NAALADL2: variants seen among roughly 807,000 people sequenced by gnomAD.
NAALADL2 encodes the protein inactive N-acetylated-alpha-linked acidic dipeptidase-like protein 2.
NAALADL2 carries 76 observed loss-of-function variants against 87.2 expected under a neutral mutation model. The ratio of observed to expected loss-of-function variants is 0.87; its 90% CI spans 0.72 to 1.05. The LOEUF is 1.05. Among genes scored for constraint, NAALADL2 ranks in the 50% least tolerant of loss-of-function variants. The pLI is 0.00. For synonymous variants in NAALADL2, 354 were observed against 331.0 expected, an observed-to-expected ratio of 1.07 and a Z score of -0.75; for missense variants, 1,089 against 945.8, an observed-to-expected ratio of 1.15 and a Z score of -1.99.
chr3:174,950,449 A>G (rs532855228), intron 1 of NAALADL2, among the ~76,000 whole-genome samples: 11 of 152,116 alleles, frequency 7.2e-5, no homozygotes, highest in Non-Finnish European at 1.6e-4. Flanking sequence ...CATATACATG[A>G]TTCTATTCAT....
chr3:174,459,810 G>A (rs1716083291), intron 1 of NAALADL2: 1 of 152,094 alleles, frequency 6.6e-6, no homozygotes, highest in Non-Finnish European at 1.5e-5. Flanking sequence ...AAACTACCTG[G>A]ATGTTATATT....
chr3:175,699,603 A>G (rs1407528169), intron 11 of NAALADL2, among the ~76,000 whole-genome samples: 1 of 152,018 alleles, frequency 6.6e-6, no homozygotes, highest in Non-Finnish European at 1.5e-5. Context: ...TTCTCAACTT[A>G]GGTCTATCAC....
At chr3:174,915,929 T>A (rs1734317454) in intron 1 of NAALADL2, among the ~76,000 whole-genome samples, 1 of 151,864 alleles carries the variant, frequency 6.6e-6, no homozygotes, top group African/African-American at 2.4e-5. Context: ...ATCAGCAGAG[T>A]AAACAGGCAA....
intron 2 of NAALADL2, among the ~76,000 whole-genome samples, chr3:174,589,528 A>G (rs909535691): frequency 6.6e-6 from 1 of 152,218 alleles, no homozygotes; most frequent in East Asian, 1.9e-4. Flanking sequence ...CTGTTTGTTT[A>G]CTGGCAAATT....
intron 9 of NAALADL2, among the ~76,000 whole-genome samples, chr3:175,531,446 A>G (rs972852449): frequency 1.3e-5 from 2 of 152,180 alleles, no homozygotes; most frequent in Non-Finnish European, 2.9e-5. Flanking sequence ...TGTCTCACCA[A>G]TAAGTCTGGT....
At chr3:175,021,178 C>T (rs940822900) in intron 1 of NAALADL2, among the ~76,000 whole-genome samples, 2 of 151,876 alleles carry the variant, frequency 1.3e-5, no homozygotes, top group East Asian at 1.9e-4. Flanking sequence ...TGTGTTTAGT[C>T]GCAGGTCTAA....
At chr3:174,717,253 T>C (rs1731274781) in intron 2 of NAALADL2, among the ~76,000 whole-genome samples, 1 of 152,070 alleles carries the variant, frequency 6.6e-6, no homozygotes, top group Non-Finnish European at 1.5e-5. Context: ...TTTTTTTAAT[T>C]GTGTCAAGTC....
chr3:175,354,598 A>G (rs566736035), intron 5 of NAALADL2, among the ~76,000 whole-genome samples: 1 of 152,076 alleles, frequency 6.6e-6, no homozygotes, highest in South Asian at 2.1e-4. Context: ...TCGAAAATTG[A>G]TTTACCTTTT....
rs890208066 is a variant in NAALADL2, at chr3:175,642,354, T to G, written c.1896+14968T>G. On this transcript the variant is annotated intron_variant, in intron 11 of 13. Transcript: ENST00000454872. The stretch of plus-strand genomic sequence containing the variant: ...AATGTAAAATAATGCTTTTCTTGAT[T>G]ACTCAAGATGTTCATGCAAGAAGAA... Among the ~76,000 whole-genome samples the G allele has an allele frequency of 2.0e-5, 3 of 152,196 alleles. 1 individual carries two copies. The highest frequency in any genetic ancestry group is 2.0e-4 in the Admixed American group (3 of 15,270).
intron 1 of NAALADL2, among the ~76,000 whole-genome samples, chr3:174,972,212 T>C (rs953758907): frequency 3.9e-5 from 6 of 152,230 alleles, no homozygotes; most frequent in African/African-American, 1.4e-4. Context: ...TAATCAGTTT[T>C]ATGAGGGAAA....
intron 3 of NAALADL2, among the ~76,000 whole-genome samples, chr3:174,808,193 A>G (rs369644121): frequency 1.3e-5 from 2 of 152,150 alleles, no homozygotes; most frequent in Non-Finnish European, 2.9e-5. Flanking sequence ...CAAATTCACT[A>G]TGAAGAGTTG....
At chr3:174,914,285 AC>A (rs1456008067) in intron 1 of NAALADL2, among the ~76,000 whole-genome samples, 1 of 151,996 alleles carries the variant, frequency 6.6e-6, no homozygotes, top group Non-Finnish European at 1.5e-5. Context: ...CTGGTCTCAA[AC>A]TTTTGACCTC....
chr3:175,097,589 T>C (rs940875511), intron 2 of NAALADL2, among the ~76,000 whole-genome samples: 4 of 152,076 alleles, frequency 2.6e-5, no homozygotes, highest in Non-Finnish European at 5.9e-5. Flanking sequence ...TTAGGCCAAA[T>C]TGGGATGCAA....
intron 1 of NAALADL2, among the ~76,000 whole-genome samples, chr3:174,890,054 T>A (rs1730680140): frequency 6.6e-6 from 1 of 152,180 alleles, no homozygotes; most frequent in Non-Finnish European, 1.5e-5. Flanking sequence ...GTAGGGGAGC[T>A]AGAGACCATG....
chr3:174,509,305 A>G (rs186978446), intron 1 of NAALADL2, among the ~76,000 whole-genome samples: 2 of 152,150 alleles, frequency 1.3e-5, no homozygotes, highest in East Asian at 3.9e-4. Flanking sequence ...CTGCTATAAA[A>G]GAATATCACT....
At chr3:174,877,414 T>G (rs188734566) in intron 1 of NAALADL2, among the ~76,000 whole-genome samples, 12 of 152,168 alleles carry the variant, frequency 7.9e-5, no homozygotes, top group African/African-American at 2.6e-4. Context: ...ATGAAATAGA[T>G]AGACATTACT....
chr3:174,898,419 A>G (rs1287873335), intron 1 of NAALADL2, among the ~76,000 whole-genome samples: 2 of 151,852 alleles, frequency 1.3e-5, no homozygotes, highest in Non-Finnish European at 2.9e-5. Flanking sequence ...AATAGAATGA[A>G]TAAGACTGAC....
chr3:174,642,889 C>A (rs1723394745), intron 2 of NAALADL2, among the ~76,000 whole-genome samples: 1 of 151,692 alleles, frequency 6.6e-6, no homozygotes. Flanking sequence ...CTCAAATGAT[C>A]TTCCCACCTC....
chr3:174,623,659 AAGTGTGTAT>A (rs1721264697), intron 2 of NAALADL2, among the ~76,000 whole-genome samples: 1 of 151,700 alleles, frequency 6.6e-6, no homozygotes, highest in Non-Finnish European at 1.5e-5. Context: ...TATTAAAAAA[AAGTGTGTAT>A]AAGTGTACCC....
Sources: allele counts gnomAD v4.1 joint callset (sites outside exome capture counted in the v4.1 genomes callset), GRCh38; gene constraint gnomAD v4.1.1; transcripts MANE v1.5; gene names NCBI Gene and HGNC (gene_info 2026-07-23, HGNC 2026-07-21).